The following TENT2 variants were observed in gnomAD, a reference collection of about 807,000 sequenced individuals.
TENT2 encodes terminal nucleotidyltransferase 2.
Under a neutral mutation model 72.2 loss-of-function variants are expected in TENT2, and 44 were observed. The observed-to-expected ratio is 0.61, with a 90% CI of 0.48 to 0.78. The LOEUF (loss-of-function observed/expected upper bound fraction) is 0.78, where lower values mean the gene tolerates loss of function less well. Ranked by LOEUF, TENT2 falls within the 30% of genes least tolerant of loss-of-function variation. TENT2 has a pLI of 0.00. For synonymous variants in TENT2, 212 were observed against 192.5 expected (o/e 1.10, Z -0.84); for missense variants, 541 against 569.6 (o/e 0.95, Z 0.51).
chr5:79,666,933 C>T (rs540305062), intron 11 of TENT2, among the ~76,000 whole-genome samples: 28 of 152,232 alleles, frequency 1.8e-4, no homozygotes, highest in Non-Finnish European at 3.7e-4. Flanking sequence ...TAGGTGTCCT[C>T]ATTTTTTCAG....
Position 79,685,240 on chromosome 5 carries a change from A to C in TENT2, c.1422A>C (p.Ile474=), listed in dbSNP as rs752583530. The change falls in exon 15 of 15, where the codon ATA becomes ATC. Residue 474 remains isoleucine (I), a synonymous_variant. Coordinates refer to ENST00000453514, the MANE Select transcript of TENT2 (RefSeq NM_001114394.3). ...AAAACAAGAGAGATTTGAACAGTATACTACCTGTAAGAGCTGCTGTCCTGA... is the reference window on the plus strand; with the variant it reads ...AAAACAAGAGAGATTTGAACAGTATCCTACCTGTAAGAGCTGCTGTCCTGA... ...RLKNKRDLNS[I]LPVRAAVLKR is the part of the protein sequence containing the mutation. 26 of 1,605,344 alleles carry C rather than the reference A, an allele frequency of 1.6e-5. No individual in the cohort carries two copies.
intron 1 of TENT2, among the ~76,000 whole-genome samples, chr5:79,615,665 T>A (rs1048659022): frequency 3.3e-5 from 5 of 151,762 alleles, no homozygotes; most frequent in East Asian, 1.9e-4. Flanking sequence ...TGAAAAGTGT[T>A]CGTTGCCAGT....
intron 6 of TENT2, among the ~76,000 whole-genome samples, chr5:79,642,414 C>G (rs1260544806): frequency 1.3e-5 from 2 of 151,944 alleles, no homozygotes; most frequent in Non-Finnish European, 2.9e-5. Context: ...ATTCACATAT[C>G]TAAATCATGA....
At chr5:79,662,947 T>C (rs1479914361) in intron 11 of TENT2, among the ~76,000 whole-genome samples, 1 of 152,236 alleles carries the variant, frequency 6.6e-6, no homozygotes, top group East Asian at 1.9e-4. Context: ...ATCTGCTATT[T>C]AGTGTAGCTG....
At chr5:79,671,003 G>A (rs958779828) in intron 12 of TENT2, among the ~76,000 whole-genome samples, 2 of 151,860 alleles carry the variant, frequency 1.3e-5, no homozygotes, top group East Asian at 1.9e-4. Flanking sequence ...GGGGATGTTT[G>A]TGGAGGGGGA....
intron 3 of TENT2, 29 bp downstream of exon 3, chr5:79,620,112 A>C (rs1040458175): frequency 6.9e-7 from 1 of 1,444,766 alleles, no homozygotes; most frequent in Non-Finnish European, 9.6e-7. Context: ...TTTTAAAAGA[A>C]TATTTTTGCA....
At chr5:79,613,446 A>G (rs540757121) in intron 1 of TENT2, among the ~76,000 whole-genome samples, 3 of 152,230 alleles carry the variant, frequency 2.0e-5, no homozygotes, top group Non-Finnish European at 4.4e-5. Flanking sequence ...ATTGTAACTG[A>G]TTACTAAATC....
chr5:79,657,192 T>C (rs1032549570), intron 11 of TENT2, among the ~76,000 whole-genome samples, 191 bp downstream of exon 11: 7 of 152,110 alleles, frequency 4.6e-5, no homozygotes, highest in African/African-American at 1.4e-4. Context: ...TATTTTGTTA[T>C]TGGCAGACAG....
chr5:79,631,464 C>T (rs2150183612), intron 4 of TENT2, among the ~76,000 whole-genome samples: 1 of 152,238 alleles, frequency 6.6e-6, no homozygotes, highest in South Asian at 2.1e-4. Flanking sequence ...GTGTATAGAT[C>T]TGGAATTCAG....
chr5:79,622,143 A>T (rs1263961657), intron 3 of TENT2, among the ~76,000 whole-genome samples: 2 of 152,080 alleles, frequency 1.3e-5, no homozygotes, highest in African/African-American at 4.8e-5. Flanking sequence ...TCGACTAAAA[A>T]CACAAAAATT....
intron 3 of TENT2, among the ~76,000 whole-genome samples, chr5:79,621,327 T>C (rs1420450375): frequency 6.6e-6 from 1 of 152,240 alleles, no homozygotes; most frequent in African/African-American, 2.4e-5. Context: ...CTGAGTCATA[T>C]GCTTAAAAGC....
chr5:79,629,367 C>T (rs902821580), intron 4 of TENT2, among the ~76,000 whole-genome samples: 3 of 152,126 alleles, frequency 2.0e-5, no homozygotes, highest in Non-Finnish European at 4.4e-5. Context: ...CTTAAGAGAT[C>T]TGAAACAAAA....
chr5:79,664,594 CAAA>C (rs369492064), intron 11 of TENT2, among the ~76,000 whole-genome samples: 8 of 95,582 alleles, frequency 8.4e-5, no homozygotes, highest in African/African-American at 1.4e-4. Flanking sequence ...CACTCTGTCT[CAAA>C]AAAAAAAAAA....
chr5:79,633,183 C>T (rs7730160), intron 4 of TENT2, among the ~76,000 whole-genome samples: 2 of 152,084 alleles, frequency 1.3e-5, no homozygotes, highest in Non-Finnish European at 2.9e-5. Context: ...GCTTTATTTT[C>T]CTCAGAAAAT....
intron 11 of TENT2, among the ~76,000 whole-genome samples, chr5:79,661,949 G>A (rs907289469): frequency 6.6e-6 from 1 of 152,144 alleles, no homozygotes. Context: ...TTTATGTAAT[G>A]TTCTAAATCC....
rs531254558 is a variant in TENT2, at chr5:79,647,705, G to GA, written c.822-906dup. Among the ~76,000 whole-genome samples the GA allele has an allele frequency of 3.1e-3, 469 of 152,168 alleles. 4 individuals carry two copies. Among genetic ancestry groups the GA allele is most frequent in the African/African-American group, 0.011 (437 of 41,540 alleles). On this transcript the variant is annotated intron_variant, in intron 8 of 14. Transcript: ENST00000453514. ...TTTTATTTTAGACAGTCTTTTCACAGAAAAAATTAGTATTTAGAAGTTGGG... is the reference window on the plus strand; with the variant it reads ...TTTTATTTTAGACAGTCTTTTCACAGAAAAAAATTAGTATTTAGAAGTTGGG...
At chr5:79,640,662 A>G (rs1195410199) in intron 4 of TENT2, among the ~76,000 whole-genome samples, 189 bp from the exon 5 acceptor site, 1 of 152,142 alleles carries the variant, frequency 6.6e-6, no homozygotes. Context: ...TGTAAAATTT[A>G]TGTGTGGTTT....
At chr5:79,670,720 T>A (rs1206877407) in intron 12 of TENT2, among the ~76,000 whole-genome samples, 2 of 151,042 alleles carry the variant, frequency 1.3e-5, no homozygotes, top group Non-Finnish European at 2.9e-5. Context: ...ATTCTAGAGT[T>A]CTCTTTAAGA....
At chr5:79,616,270 C>G (rs1014465880) in intron 1 of TENT2, among the ~76,000 whole-genome samples, 43 of 139,958 alleles carry the variant, frequency 3.1e-4, no homozygotes, top group African/African-American at 1.2e-3. Context: ...GCGATCTTGG[C>G]TCACTGCAAC....
Sources: gnomAD v4.1 joint callset for allele counts (sites outside exome capture counted in the v4.1 genomes callset) on GRCh38, gnomAD v4.1.1 for gene constraint, MANE v1.5 for transcripts, NCBI Gene and HGNC (gene_info 2026-07-23, HGNC 2026-07-21) for gene names.